Variants in PTMS observed in about 807,000 individuals in gnomAD.
PTMS encodes parathymosin.
In PTMS, 5 loss-of-function variants were observed where a neutral mutation model predicts 18.4. The ratio of observed to expected loss-of-function variants is 0.27; its 90% CI spans 0.14 to 0.57. The LOEUF (loss-of-function observed/expected upper bound fraction) is 0.57, where lower values mean the gene tolerates loss of function less well. Among genes scored for constraint, PTMS ranks in the 20% least tolerant of loss-of-function variants. The probability of loss-of-function intolerance (pLI) is 0.92; values close to 1 mark genes in which losing one functional copy is unlikely to be tolerated. For synonymous variants in PTMS, 53 were observed against 47.7 expected (o/e 1.11, Z -0.46); for missense variants, 93 against 124.6 (o/e 0.75, Z 1.21).
In PTMS at chr12:6,770,331, C is replaced by G. The variant is rs1021771872; in HGVS notation, c.259-61C>G. 6.7e-5 allele frequency: 107 copies of G among 1,608,696 alleles called. No homozygotes were observed. The highest frequency in any genetic ancestry group is 8.5e-5 in the Non-Finnish European group (100 of 1,175,294). ...GCAGGGGTGGGGGCTGGAACAGGACCGGGACAGGGGGAGGTCTCCCCTCCC... is the reference window on the plus strand; with the variant it reads ...GCAGGGGTGGGGGCTGGAACAGGACGGGGACAGGGGGAGGTCTCCCCTCCC... On this transcript the variant is annotated intron_variant, in intron 4 of 4. Coordinates refer to ENST00000309083, the MANE Select transcript of PTMS (RefSeq NM_002824.6). The surrounding 1 kb of genome is among the most constrained non-coding windows in gnomAD (Gnocchi z 7.3).
chr12:6,769,962 C>G lies in PTMS; in HGVS notation c.159C>G (p.Ala53=). 2 of 1,553,354 alleles carry G rather than the reference C, an allele frequency of 1.3e-6. No homozygotes were observed. Among genetic ancestry groups the G allele is most frequent in the Non-Finnish European group, 1.7e-6 (2 of 1,147,608 alleles). ...CTGAGGAGGAAGAAGAAGAAACTGC[C>G]GAGGATGGAGAGGAGGAAGATGAAG... The part of the protein sequence containing the change: ...NGAEEEEEET[A]EDGEEEDEGE... The change falls in exon 3 of 5, where the codon GCC becomes GCG. Residue 53 remains alanine, a synonymous_variant. Transcript: ENST00000309083.
chr12:6,767,950 C>T (rs1006198876), intron 1 of PTMS, among the ~76,000 whole-genome samples: 17 of 152,214 alleles, frequency 1.1e-4, no homozygotes, highest in African/African-American at 3.6e-4. Flanking sequence ...AATGGCCCAA[C>T]GCTGGGCCAT....
At chr12:6,767,390 G>T (rs1258243740) in intron 1 of PTMS, 1 of 152,066 alleles carries the variant, frequency 6.6e-6, no homozygotes, top group Non-Finnish European at 1.5e-5. Flanking sequence ...ACTAGCCTTC[G>T]AAAAAGCCGA....
chr12:6,767,170 A>C (rs1941777171), intron 1 of PTMS: 1 of 151,796 alleles, frequency 6.6e-6, no homozygotes, highest in Non-Finnish European at 1.5e-5. Flanking sequence ...TGAGATCCTC[A>C]AGTGTAAACA....
chr12:6,766,754 C>T lies in PTMS; in HGVS notation c.45+4C>T. ...AGCGGCCGAGTTGAGCGCCAAGGTA[C>T]GGGCGGGGGCGGCGGCGGCCCGGAC... On this transcript the variant is annotated splice_donor_region_variant and intron_variant, in intron 1 of 4. Transcript: ENST00000309083. 2.8e-6 allele frequency: 3 copies of T among 1,057,568 alleles called. No homozygotes were observed. Among genetic ancestry groups the T allele is most frequent in the East Asian group, 7.7e-5 (1 of 12,948 alleles). 65.5% of individuals were successfully genotyped at this position (1,057,568 alleles called of 1,614,324 possible).
At chr12:6,766,777 G>C in intron 1 of PTMS, 27 bp downstream of exon 1, 1 of 1,059,554 alleles carries the variant, frequency 9.4e-7, no homozygotes, top group East Asian at 7.6e-5. Flanking sequence ...CGGCGGCCCG[G>C]ACCTCGCGCA....
chr12:6,769,944 GGAA>G lies in PTMS; in HGVS notation c.151_153del (p.Glu51del), dbSNP rs1202798097. On this transcript the variant is annotated inframe_deletion, in exon 3 of 5. Coordinates refer to ENST00000309083, the MANE Select transcript of PTMS (RefSeq NM_002824.6). ...AGGAGGAGGAGAACGGGGCTGAGGAGGAAGAAGAAGAAACTGCCGAGGATGGAG... is the reference window on the plus strand; with the variant it reads ...AGGAGGAGGAGAACGGGGCTGAGGAGGAAGAAGAAACTGCCGAGGATGGAG... 14 of 1,555,154 alleles carry G rather than the reference GGAA, an allele frequency of 9.0e-6. No individual in the cohort carries two copies. The highest frequency in any genetic ancestry group is 7.1e-5 in the South Asian group (6 of 84,760).
At position 6,770,736 on chromosome 12, in the gene PTMS, TC is replaced by T; in HGVS notation, c.*296del. The T allele has an allele frequency of 4.0e-6, 2 of 500,126 alleles. No individual in the cohort carries two copies. Among genetic ancestry groups the T allele is most frequent in the Non-Finnish European group, 7.3e-6 (2 of 273,278 alleles). 31.0% of individuals were successfully genotyped at this position (500,126 alleles called of 1,614,324 possible). ...CTCCCTCCCCTACCAGCCTCATTCTTCCTCCGGTAGCCTCTCCCACCTAACC... is the reference window on the plus strand; with the variant it reads ...CTCCCTCCCCTACCAGCCTCATTCTTCTCCGGTAGCCTCTCCCACCTAACC... On this transcript the variant is annotated 3_prime_UTR_variant, in exon 5 of 5. Coordinates refer to ENST00000309083, the MANE Select transcript of PTMS (RefSeq NM_002824.6). This position sits in a 1 kb window ranked among gnomAD's most constrained non-coding sequence, Gnocchi z 7.3.
intron 1 of PTMS, chr12:6,767,063 C>T (rs1218656078): frequency 6.4e-6 from 1 of 156,060 alleles, no homozygotes; most frequent in Admixed American, 6.5e-5. Flanking sequence ...GCTTCCCGTC[C>T]GAACGCCCCG....
In PTMS at chr12:6,770,162, G is replaced by C. The variant is rs1202024380; in HGVS notation, c.202G>C (p.Glu68Gln). ...ACCCATTTCTGGCTCCTCAGATGAG[G>C]AAGAAGAAGAAGAGGATGATGAAGG... is the stretch of plus-strand genomic sequence containing the variant. ...EEDEGEEEDE[E>Q]EEEEDDEGPA... The change falls in exon 4 of 5, where the codon GAA becomes CAA. Residue 68 changes from glutamate (E) to glutamine (Q), a missense_variant. Physicochemically the swap from Glu to Gln is conservative, Grantham distance 29. Transcript: ENST00000309083. The surrounding 1 kb of genome is among the most constrained non-coding windows in gnomAD (Gnocchi z 7.3). 1 of 1,613,340 alleles carries C rather than the reference G, an allele frequency of 6.2e-7. No individual in the cohort carries two copies. The highest frequency in any genetic ancestry group is 8.5e-7 in the Non-Finnish European group (1 of 1,179,584).
rs1592491208 is a variant in PTMS at position 6,766,738 on chromosome 12, G to A, written c.33G>A (p.Glu11=). ...AGAAAAGCGTGGAGGCAGCGGCCGA[G>A]TTGAGCGCCAAGGTACGGGCGGGGG... is the stretch of plus-strand genomic sequence containing the variant. MSEKSVEAAA[E]LSAKDLKEKK... The change falls in exon 1 of 5, where the codon GAG becomes GAA. Residue 11 remains glutamate, a synonymous_variant. Coordinates refer to ENST00000309083, the MANE Select transcript of PTMS (RefSeq NM_002824.6). 9.1e-7 allele frequency: 1 copy of A among 1,093,442 alleles called. No homozygotes were observed. The allele number at this position is 1,093,442 out of a possible 1,614,324, so 67.7% of individuals were successfully genotyped here.
At position 6,769,902 on chromosome 12, in the gene PTMS, C is replaced by T. The variant is rs2137800941; in HGVS notation, c.118-19C>T. On this transcript the variant is annotated intron_variant, in intron 2 of 4. Transcript: ENST00000309083. Reference sequence around the variant, plus strand: ...GCATGCAGCCAGCCTGAGGCTACTCCCTCTCCTGGTCCCCACAGGAGGAGG... The same window carrying T: ...GCATGCAGCCAGCCTGAGGCTACTCTCTCTCCTGGTCCCCACAGGAGGAGG... 2 of 1,567,038 alleles carry T rather than the reference C, an allele frequency of 1.3e-6. No homozygotes were observed. The highest frequency in any genetic ancestry group is 1.7e-6 in the Non-Finnish European group (2 of 1,155,608).
chr12:6,770,791 C>A lies in PTMS; in HGVS notation c.*349C>A. The stretch of plus-strand genomic sequence containing the variant: ...GCATCCCCCAGCCTCATGTCCTGCC[C>A]CATCCCTATCCTGCCTGATCCCTGG... On this transcript the variant is annotated 3_prime_UTR_variant, in exon 5 of 5. Transcript: ENST00000309083. This position sits in a 1 kb window ranked among gnomAD's most constrained non-coding sequence, Gnocchi z 7.3. The A allele has an allele frequency of 2.8e-6, 1 of 357,596 alleles. No homozygotes were observed. Among genetic ancestry groups the A allele is most frequent in the Non-Finnish European group, 5.3e-6 (1 of 189,632 alleles). The allele number at this position is 357,596 out of a possible 1,614,324, so 22.2% of individuals were successfully genotyped here. A position where few individuals can be genotyped will look rare whatever the true frequency, so the allele number is the denominator to read the frequency against.
chr12:6,770,672 G>T lies in PTMS; in HGVS notation c.*230G>T, dbSNP rs1009609033. 1 of 598,188 alleles carries T rather than the reference G, an allele frequency of 1.7e-6. No individual in the cohort carries two copies. Among genetic ancestry groups the T allele is most frequent in the Admixed American group, 3.0e-5 (1 of 33,596 alleles). 37.1% of individuals were successfully genotyped at this position (598,188 alleles called of 1,614,324 possible). On this transcript the variant is annotated 3_prime_UTR_variant, in exon 5 of 5. Transcript: ENST00000309083. The surrounding 1 kb of genome is among the most constrained non-coding windows in gnomAD (Gnocchi z 7.3). ...TGACCTGCTCCATCTGAGCTCTCCAGCTGGCCCCCAATTGCTCCTCTCTCT... is the reference window on the plus strand; with the variant it reads ...TGACCTGCTCCATCTGAGCTCTCCATCTGGCCCCCAATTGCTCCTCTCTCT...
chr12:6,769,872 G>C, intron 2 of PTMS, 49 bp from the exon 3 acceptor site: 1 of 1,589,262 alleles, frequency 6.3e-7, no homozygotes, highest in Non-Finnish European at 8.6e-7. Context: ...GTGATGGTGG[G>C]CAAGGCATGC....
chr12:6,769,762 T>C, intron 2 of PTMS, 88 bp downstream of exon 2: 1 of 1,599,434 alleles, frequency 6.3e-7, no homozygotes, highest in Non-Finnish European at 8.5e-7. Context: ...CTTCCGAGGG[T>C]GCTGGGTCCT....
chr12:6,769,522 C>A, intron 1 of PTMS, 81 bp from the exon 2 acceptor site: 1 of 1,447,906 alleles, frequency 6.9e-7, no homozygotes, highest in Non-Finnish European at 9.7e-7. Flanking sequence ...AAGCTCACTA[C>A]AGAGGGAGAA....
Position 6,769,621 on chromosome 12 carries a change from G to A in PTMS, c.64G>A (p.Glu22Lys). ...LSAKDLKEKK[E>K]KVEEKASRKE... ...TTTGCAGGACCTGAAGGAGAAGAAG[G>A]AGAAGGTGGAGGAGAAGGCAAGCCG... Residue 22 changes from glutamate (E) to lysine (K), a missense_variant, in exon 2 of 5, where the codon GAG (glutamate) becomes AAG (lysine). Glu to Lys is a moderately conservative substitution (Grantham distance 56). Coordinates refer to ENST00000309083, the MANE Select transcript of PTMS (RefSeq NM_002824.6). 1 of 1,614,136 alleles carries A rather than the reference G, an allele frequency of 6.2e-7. No homozygotes were observed. Among genetic ancestry groups the A allele is most frequent in the South Asian group, 1.1e-5 (1 of 91,086 alleles).
intron 1 of PTMS, among the ~76,000 whole-genome samples, chr12:6,768,500 G>A (rs1272155527): frequency 6.6e-6 from 1 of 152,144 alleles, no homozygotes; most frequent in Non-Finnish European, 1.5e-5. Flanking sequence ...CCCCTATCCT[G>A]TTCCAGAAAG....
Sources: gnomAD v4.1 joint callset for allele counts (sites outside exome capture counted in the v4.1 genomes callset) on GRCh38, gnomAD v4.1.1 for gene constraint, Gnocchi (gnomAD v3.1) non-coding constraint, MANE v1.5 for transcripts, NCBI Gene and HGNC (gene_info 2026-07-23, HGNC 2026-07-21) for gene names.